Variants in MAN1C1 observed in about 807,000 individuals in gnomAD.
MAN1C1 encodes mannosyl-oligosaccharide 1,2-alpha-mannosidase IC.
Under a neutral mutation model 71.5 loss-of-function variants are expected in MAN1C1, and 49 were observed. The ratio of observed to expected loss-of-function variants is 0.69; its 90% confidence interval spans 0.54 to 0.87. The LOEUF is 0.87. MAN1C1 is among the 40% of genes least tolerant of loss of function. The probability of loss-of-function intolerance (pLI) is 0.00; values close to 1 mark genes in which losing one functional copy is unlikely to be tolerated. For synonymous variants in MAN1C1, 352 were observed against 343.7 expected (o/e 1.02, Z -0.27); for missense variants, 743 against 835.0 (o/e 0.89, Z 1.36).
chr1:25,702,749 G>A (rs1417345871), intron 2 of MAN1C1, among the ~76,000 whole-genome samples: 1 of 152,134 alleles, frequency 6.6e-6, no homozygotes, highest in Admixed American at 6.5e-5. Context: ...CACTGTGAAG[G>A]GCTTAAAGTA....
intron 9 of MAN1C1, among the ~76,000 whole-genome samples, chr1:25,780,020 C>T (rs1310002682): frequency 1.3e-5 from 2 of 151,916 alleles, no homozygotes; most frequent in Non-Finnish European, 2.9e-5. Flanking sequence ...GAAAGAGCAC[C>T]GCCCTAGGAG....
intron 1 of MAN1C1, among the ~76,000 whole-genome samples, chr1:25,682,923 G>C (rs929098580): frequency 6.6e-6 from 1 of 151,702 alleles, no homozygotes; most frequent in African/African-American, 2.4e-5. Flanking sequence ...CTGTAATCCC[G>C]GCTACTCGGG....
intron 2 of MAN1C1, among the ~76,000 whole-genome samples, chr1:25,723,332 A>G (rs900794855): frequency 1.3e-5 from 2 of 152,236 alleles, no homozygotes; most frequent in Non-Finnish European, 2.9e-5. Flanking sequence ...TACTGCCTTT[A>G]GGCTGACTTG....
At chr1:25,650,482 G>C (rs959935733) in intron 1 of MAN1C1, among the ~76,000 whole-genome samples, 2 of 152,198 alleles carry the variant, frequency 1.3e-5, no homozygotes, top group Non-Finnish European at 2.9e-5. Flanking sequence ...TCTTGCTTCT[G>C]AGGTTGTTCT....
At chr1:25,783,591 TC>T (rs2124422697) in intron 11 of MAN1C1, 71 bp from the exon 12 acceptor site, 4 of 1,561,386 alleles carry the variant, frequency 2.6e-6, no homozygotes, top group Non-Finnish European at 2.6e-6. Flanking sequence ...TGAGACTTGT[TC>T]CCAGGCCCAC....
intron 2 of MAN1C1, among the ~76,000 whole-genome samples, chr1:25,712,211 C>T (rs1390496903): frequency 1.3e-5 from 2 of 152,228 alleles, no homozygotes; most frequent in South Asian, 2.1e-4. Context: ...GCTCGGCCGG[C>T]GTCTTGGCAG....
At chr1:25,759,962 G>A (rs527414705) in intron 6 of MAN1C1, 18 of 152,330 alleles carry the variant, frequency 1.2e-4, no homozygotes, top group Admixed American at 2.6e-4. Flanking sequence ...CCATTTGAAA[G>A]TTCGTGGAAT....
chr1:25,763,976 A>G lies in MAN1C1; in HGVS notation c.1141+9A>G, dbSNP rs1436568258. The G allele has an allele frequency of 3.1e-6, 5 of 1,609,690 alleles. No individual in the cohort carries two copies. The highest frequency in any genetic ancestry group is 1.3e-5 in the African/African-American group (1 of 74,832). On this transcript the variant is annotated intron_variant, in intron 7 of 11. Coordinates refer to ENST00000374332, the MANE Select transcript of MAN1C1 (RefSeq NM_020379.4). ...TGGGAACTGGGTGCAACGTGAGTAC[A>G]GAGACGCCACTGCCCCTTATTCAGC... is the stretch of plus-strand genomic sequence containing the variant.
intron 2 of MAN1C1, among the ~76,000 whole-genome samples, chr1:25,690,535 C>T (rs2046294751): frequency 6.6e-6 from 1 of 152,218 alleles, no homozygotes; most frequent in South Asian, 2.1e-4. Flanking sequence ...TTGTGATCTT[C>T]CCTCCTCGGC....
chr1:25,702,198 G>A (rs1422819032), intron 2 of MAN1C1, among the ~76,000 whole-genome samples: 1 of 152,214 alleles, frequency 6.6e-6, no homozygotes, highest in African/African-American at 2.4e-5. Context: ...CCGTGGGGCT[G>A]CTTAGAAAGA....
chr1:25,756,731 C>T (rs1003277080), intron 5 of MAN1C1, among the ~76,000 whole-genome samples: 8 of 152,128 alleles, frequency 5.3e-5, no homozygotes, highest in Admixed American at 2.0e-4. Context: ...CGTCGTCTTC[C>T]GCCTCTGACC....
Position 25,782,526 on chromosome 1 carries a change from G to A in MAN1C1, c.1651-59G>A. 1 of 1,175,418 alleles carries A rather than the reference G, an allele frequency of 8.5e-7. No homozygotes were observed. Among genetic ancestry groups the A allele is most frequent in the Admixed American group, 1.7e-5 (1 of 58,002 alleles). 72.8% of individuals were successfully genotyped at this position (1,175,418 alleles called of 1,614,324 possible). A position where few individuals can be genotyped will look rare whatever the true frequency, so the allele number is the denominator to read the frequency against. On this transcript the variant is annotated intron_variant, in intron 10 of 11. Transcript: ENST00000374332. This position sits in a 1 kb window ranked among gnomAD's most constrained non-coding sequence, Gnocchi z 4.4. Reference sequence around the variant, plus strand: ...AGCCTGCCAGGCATGCACAAGTCTTGAGGGGCCTTTCCTGTCCCGTGTTAA... The same window carrying A: ...AGCCTGCCAGGCATGCACAAGTCTTAAGGGGCCTTTCCTGTCCCGTGTTAA...
chr1:25,730,628 G>T lies in MAN1C1; in HGVS notation c.638-16040G>T, dbSNP rs754032098. Among the ~76,000 whole-genome samples, 1 of 152,184 alleles carries T rather than the reference G, an allele frequency of 6.6e-6. No homozygotes were observed. Among genetic ancestry groups the T allele is most frequent in the Admixed American group, 6.5e-5 (1 of 15,268 alleles). ...CTGTCTCCTGGGCCGTGGCACGTTT[G>T]CTGCATTTGTGAATTGTTTGGGCAC... On this transcript the variant is annotated intron_variant, in intron 2 of 11. Transcript: ENST00000374332. The surrounding 1 kb of genome is among the most constrained non-coding windows in gnomAD (Gnocchi z 4.3).
At chr1:25,757,221 C>T (rs1264937324) in intron 5 of MAN1C1, among the ~76,000 whole-genome samples, 1 of 152,210 alleles carries the variant, frequency 6.6e-6, no homozygotes, top group African/African-American at 2.4e-5. Context: ...CGCCTGCCTT[C>T]CTAAGTCCTG....
Position 25,632,571 on chromosome 1 carries a change from C to T in MAN1C1, c.540+14234C>T, listed in dbSNP as rs182907795. ...TTGGTTTGTTATTGTTTCTGTAGTT[C>T]CTTGAGGTGTAACATTAGGTTGTCA... On this transcript the variant is annotated intron_variant, in intron 1 of 11. Transcript: ENST00000374332. Among the ~76,000 whole-genome samples, 9 of 152,060 alleles carry T rather than the reference C, an allele frequency of 5.9e-5. No individual in the cohort carries two copies. In the East Asian group the frequency reaches 1.7e-3, roughly 29 times the overall value.
intron 2 of MAN1C1, among the ~76,000 whole-genome samples, chr1:25,715,545 A>G (rs1158109700): frequency 6.6e-6 from 1 of 152,244 alleles, no homozygotes; most frequent in Non-Finnish European, 1.5e-5. Context: ...TGTGGTGAAC[A>G]GAAAGGTCCA....
intron 1 of MAN1C1, among the ~76,000 whole-genome samples, chr1:25,656,879 G>T (rs2045775505): frequency 1.3e-5 from 2 of 151,076 alleles, no homozygotes; most frequent in Admixed American, 1.3e-4. Flanking sequence ...AGGCTGGAGT[G>T]CAGTGGCGCG....
intron 1 of MAN1C1, among the ~76,000 whole-genome samples, chr1:25,620,950 C>T (rs2045198129): frequency 6.6e-6 from 1 of 152,186 alleles, no homozygotes; most frequent in Admixed American, 6.5e-5. Flanking sequence ...CCTCACTTTC[C>T]AATTTTGGAA....
At chr1:25,748,341 G>A (rs886638593) in intron 3 of MAN1C1, among the ~76,000 whole-genome samples, 1 of 152,194 alleles carries the variant, frequency 6.6e-6, no homozygotes, top group Non-Finnish European at 1.5e-5. Flanking sequence ...TGTGGATGAA[G>A]AGCTCCCCCA....
Sources: gnomAD v4.1 joint callset for allele counts (sites outside exome capture counted in the v4.1 genomes callset) on GRCh38, gnomAD v4.1.1 for gene constraint, Gnocchi (gnomAD v3.1) non-coding constraint, MANE v1.5 for transcripts, NCBI Gene and HGNC (gene_info 2026-07-23, HGNC 2026-07-21) for gene names.